Variants in DMD observed in about 807,000 individuals in gnomAD.
The protein encoded by DMD is dystrophin.
Under a neutral mutation model 330.1 loss-of-function variants are expected in DMD, and 63 were observed. The observed-to-expected ratio is 0.19, with a 90% CI of 0.16 to 0.24. The LOEUF (loss-of-function observed/expected upper bound fraction) is 0.24. Among genes scored for constraint, DMD ranks in the 10% least tolerant of loss-of-function variants. The probability of loss-of-function intolerance (pLI) is 1.00; values close to 1 mark genes in which losing one functional copy is unlikely to be tolerated. For synonymous variants in DMD, 1,223 were observed against 959.8 expected, an observed-to-expected ratio of 1.27 and a Z score of -5.07; for missense variants, 3,344 against 2,684.1, an observed-to-expected ratio of 1.25 and a Z score of -5.43.
intron 55 of DMD, among the ~76,000 whole-genome samples, chrX:31,610,408 A>G (rs1431036028): frequency 9.0e-6 from 1 of 111,467 alleles, no homozygotes; most frequent in African/African-American, 3.3e-5. Flanking sequence ...ATACTTAGAT[A>G]ATCTATTCAC....
intron 41 of DMD, among the ~76,000 whole-genome samples, chrX:32,315,559 A>G (rs1187096141): frequency 9.0e-6 from 1 of 111,026 alleles, no homozygotes; most frequent in Non-Finnish European, 1.9e-5. Context: ...GATAAAATAA[A>G]AATTAGATTC....
intron 62 of DMD, among the ~76,000 whole-genome samples, chrX:31,296,471 A>G (rs751013971): frequency 2.6e-4 from 29 of 111,935 alleles, no homozygotes; most frequent in Non-Finnish European, 2.3e-4. Context: ...AAAGATTTTT[A>G]TGGGAATCTG....
chrX:31,948,120 A>G (rs1036216589), intron 45 of DMD, among the ~76,000 whole-genome samples: 2 of 111,437 alleles, frequency 1.8e-5, no homozygotes, highest in Non-Finnish European at 3.8e-5. Flanking sequence ...ATCATTCAGT[A>G]TTTGCCCTTT....
At chrX:31,900,444 A>T (rs776121961) in intron 47 of DMD, among the ~76,000 whole-genome samples, 1 of 111,303 alleles carries the variant, frequency 9.0e-6, no homozygotes, top group Non-Finnish European at 1.9e-5. Context: ...CTGCCCATCC[A>T]CGTAAGATGT....
intron 51 of DMD, among the ~76,000 whole-genome samples, chrX:31,750,160 T>C (rs1167779807): frequency 1.8e-5 from 2 of 110,382 alleles, no homozygotes; most frequent in Non-Finnish European, 3.8e-5. Flanking sequence ...TAGATCCCAT[T>C]TGTCAATTTT....
At chrX:31,229,094 T>C (rs1227735422) in intron 63 of DMD, among the ~76,000 whole-genome samples, 1 of 112,375 alleles carries the variant, frequency 8.9e-6, no homozygotes, top group Non-Finnish European at 1.9e-5. Context: ...TTCTGTTTTA[T>C]GACTTTCACT....
chrX:32,464,518 A>T, intron 24 of DMD, 68 bp downstream of exon 24: 1 of 866,668 alleles, frequency 1.2e-6, no homozygotes, highest in African/African-American at 2.0e-5. Flanking sequence ...CAGCTGTAAA[A>T]CACTGATCTA....
intron 44 of DMD, among the ~76,000 whole-genome samples, chrX:32,072,387 AT>A (rs2096307570): frequency 9.1e-6 from 1 of 110,210 alleles, no homozygotes; most frequent in East Asian, 2.9e-4. Context: ...GTGAACAAAG[AT>A]TTTTTATTTA....
intron 30 of DMD, among the ~76,000 whole-genome samples, chrX:32,403,658 T>C (rs1256616666): frequency 1.8e-5 from 2 of 111,814 alleles, no homozygotes; most frequent in Non-Finnish European, 3.8e-5. Context: ...TATTCTTAAA[T>C]GGAGAGTAAT....
chrX:31,476,383 GTA>G (rs1382537433), intron 59 of DMD, among the ~76,000 whole-genome samples: 12 of 82,440 alleles, frequency 1.5e-4, no homozygotes, highest in Admixed American at 4.0e-4. Flanking sequence ...ATCTAACTAT[GTA>G]TGTGTGTGTG....
chrX:31,780,465 C>A (rs886238629), intron 50 of DMD, among the ~76,000 whole-genome samples: 1 of 112,077 alleles, frequency 8.9e-6, no homozygotes, highest in Non-Finnish European at 1.9e-5. Context: ...AATTGCATTA[C>A]TATTTAATAC....
At chrX:32,140,553 A>G (rs1336072189) in intron 44 of DMD, among the ~76,000 whole-genome samples, 1 of 112,201 alleles carries the variant, frequency 8.9e-6, no homozygotes, top group Non-Finnish European at 1.9e-5. Flanking sequence ...TTTCAAAATT[A>G]TATAGGTTAT....
intron 1 of DMD, among the ~76,000 whole-genome samples, chrX:33,074,410 A>G (rs1603234017): frequency 1.1e-5 from 1 of 89,435 alleles, no homozygotes; most frequent in African/African-American, 5.3e-5. Flanking sequence ...TTCTTTTAAC[A>G]CTATATTTTT....
intron 53 of DMD, among the ~76,000 whole-genome samples, chrX:31,678,250 T>C (rs910584236): frequency 8.9e-6 from 1 of 111,990 alleles, no homozygotes. Context: ...GTTTCCTTCT[T>C]AGATGACATA....
chrX:31,694,649 T>TATATATATATATATATAC (rs1156942395), intron 52 of DMD, among the ~76,000 whole-genome samples: 2 of 75,653 alleles, frequency 2.6e-5, no homozygotes, highest in African/African-American at 1.2e-4. Flanking sequence ...TATATATATA[T>TATATATATATATATATAC]ACACACACAT....
At chrX:32,665,926 T>C (rs1244840374) in intron 9 of DMD, among the ~76,000 whole-genome samples, 1 of 111,550 alleles carries the variant, frequency 9.0e-6, no homozygotes, top group Non-Finnish European at 1.9e-5. Context: ...TGGAGAATGA[T>C]CTATGGAAGA....
intron 48 of DMD, among the ~76,000 whole-genome samples, chrX:31,838,797 T>C: frequency 9.0e-6 from 1 of 111,320 alleles, no homozygotes. Flanking sequence ...GTAGTGACAA[T>C]GATGTGAATA....
chrX:32,082,201 T>C (rs1287773595), intron 44 of DMD, among the ~76,000 whole-genome samples: 2 of 111,670 alleles, frequency 1.8e-5, no homozygotes, highest in African/African-American at 6.5e-5. Context: ...GGTTTGGAAG[T>C]ACTCTATTCC....
At chrX:31,586,329 G>A (rs1395369171) in intron 55 of DMD, among the ~76,000 whole-genome samples, 1 of 112,552 alleles carries the variant, frequency 8.9e-6, no homozygotes, top group African/African-American at 3.2e-5. Flanking sequence ...TGAAGAGAAC[G>A]TGGACTAACA....
Sources: gnomAD v4.1 joint callset for allele counts (sites outside exome capture counted in the v4.1 genomes callset) on GRCh38, gnomAD v4.1.1 for gene constraint, MANE v1.5 for transcripts, NCBI Gene and HGNC (gene_info 2026-07-23, HGNC 2026-07-21) for gene names.